Variants in HABP4 observed in about 807,000 individuals in gnomAD.
HABP4 encodes the protein intracellular hyaluronan-binding protein 4.
In HABP4, 32 loss-of-function variants were observed where a neutral mutation model predicts 44.1. The ratio of observed to expected loss-of-function variants is 0.73; its 90% CI spans 0.55 to 0.97. HABP4 has a LOEUF of 0.97. Ranked by LOEUF, HABP4 falls within the 50% of genes least tolerant of loss-of-function variation. The probability of loss-of-function intolerance (pLI) is 0.00; values close to 1 mark genes in which losing one functional copy is unlikely to be tolerated. For synonymous variants in HABP4, 216 were observed against 218.0 expected, an observed-to-expected ratio of 0.99 and a Z score of 0.08; for missense variants, 503 against 561.9, an observed-to-expected ratio of 0.90 and a Z score of 1.06.
chr9:96,481,989 G>A (rs1300752746), intron 5 of HABP4, among the ~76,000 whole-genome samples: 2 of 150,096 alleles, frequency 1.3e-5, no homozygotes, highest in Non-Finnish European at 3.0e-5. Flanking sequence ...AGGCTGGAGT[G>A]CAGTGGTGCG....
In HABP4 at chr9:96,484,451, T is replaced by A; in HGVS notation, c.828-11T>A. 7.9e-7 allele frequency: 1 copy of A among 1,273,212 alleles called. No homozygotes were observed. Among genetic ancestry groups the A allele is most frequent in the South Asian group, 1.3e-5 (1 of 78,606 alleles). The allele number at this position is 1,273,212 out of a possible 1,614,324, so 78.9% of individuals were successfully genotyped here. ...AAAAAGTATTCTTTATGATTATATATCTCTTTATAGAGTTCCTGAGTTGGA... is the reference window on the plus strand; with the variant it reads ...AAAAAGTATTCTTTATGATTATATAACTCTTTATAGAGTTCCTGAGTTGGA... On this transcript the variant is annotated splice_polypyrimidine_tract_variant and intron_variant, in intron 5 of 7. Coordinates refer to ENST00000375249, the MANE Select transcript of HABP4 (RefSeq NM_014282.4).
intron 1 of HABP4, 80 bp from the exon 2 acceptor site, chr9:96,458,299 T>G: frequency 2.2e-6 from 3 of 1,359,440 alleles, no homozygotes; most frequent in Non-Finnish European, 3.2e-6. Flanking sequence ...AAAATGAAAT[T>G]TACAAGTACC....
intron 2 of HABP4, among the ~76,000 whole-genome samples, chr9:96,459,039 C>T (rs1320032500): frequency 2.0e-5 from 3 of 152,172 alleles, no homozygotes. Flanking sequence ...TTCCTTTTTC[C>T]TCATAGATGC....
intron 1 of HABP4, among the ~76,000 whole-genome samples, chr9:96,452,419 A>C (rs1205794769): frequency 6.6e-6 from 1 of 152,110 alleles, no homozygotes; most frequent in Non-Finnish European, 1.5e-5. Context: ...TATATACATA[A>C]ATGCACAGAG....
intron 5 of HABP4, among the ~76,000 whole-genome samples, chr9:96,474,177 C>T (rs1244169298): frequency 6.6e-6 from 1 of 152,016 alleles, no homozygotes; most frequent in Non-Finnish European, 1.5e-5. Flanking sequence ...AAAACAATTG[C>T]AATGTATTAT....
chr9:96,455,745 G>A (rs1724950720), intron 1 of HABP4, among the ~76,000 whole-genome samples: 1 of 151,688 alleles, frequency 6.6e-6, no homozygotes, highest in African/African-American at 2.4e-5. Context: ...CAGCCTGGGT[G>A]ATAGAGTGAG....
At chr9:96,465,005 C>T (rs1050880849) in intron 2 of HABP4, among the ~76,000 whole-genome samples, 2 of 152,140 alleles carry the variant, frequency 1.3e-5, no homozygotes, top group Non-Finnish European at 2.9e-5. Flanking sequence ...AGGAATGCCC[C>T]ATTCAGATTA....
In HABP4 at chr9:96,471,183, C is replaced by G. The variant is rs1832692524; in HGVS notation, c.827+89C>G. On this transcript the variant is annotated intron_variant, in intron 5 of 7. Transcript: ENST00000375249. The stretch of plus-strand genomic sequence containing the variant: ...TTTTGAGATGGAACTTGCTTTGTCA[C>G]CCAGGCTGGAGTGCAATGGCACAAT... 5 of 765,128 alleles carry G rather than the reference C, an allele frequency of 6.5e-6. No homozygotes were observed. The East Asian group carries it at 1.3e-4, about 20-fold the overall frequency. The allele number at this position is 765,128 out of a possible 1,614,324, so 47.4% of individuals were successfully genotyped here.
chr9:96,467,539 T>C (rs905664797), intron 4 of HABP4, among the ~76,000 whole-genome samples: 1 of 148,424 alleles, frequency 6.7e-6, no homozygotes, highest in Non-Finnish European at 1.5e-5. Context: ...TTTTTTTTTT[T>C]TTTTGAGACG....
chr9:96,481,068 A>G (rs1248427404), intron 5 of HABP4, among the ~76,000 whole-genome samples: 1 of 151,812 alleles, frequency 6.6e-6, no homozygotes, highest in Non-Finnish European at 1.5e-5. Flanking sequence ...TTGATTCCCC[A>G]CTCCCCACCT....
At chr9:96,468,813 T>TTA (rs1360443027) in intron 4 of HABP4, among the ~76,000 whole-genome samples, 4 of 152,236 alleles carry the variant, frequency 2.6e-5, no homozygotes, top group Non-Finnish European at 5.9e-5. Context: ...ATACATTTCT[T>TTA]TATAAAGTGA....
At chr9:96,475,234 G>A (rs1451215925) in intron 5 of HABP4, among the ~76,000 whole-genome samples, 1 of 151,940 alleles carries the variant, frequency 6.6e-6, no homozygotes, top group Non-Finnish European at 1.5e-5. Flanking sequence ...AAATTAGCTG[G>A]GTATGGTAGC....
At chr9:96,472,894 C>G (rs1299047695) in intron 5 of HABP4, among the ~76,000 whole-genome samples, 1 of 152,192 alleles carries the variant, frequency 6.6e-6, no homozygotes, top group African/African-American at 2.4e-5. Context: ...CAGTCTGCGT[C>G]TTTCTTGACC....
intron 5 of HABP4, among the ~76,000 whole-genome samples, chr9:96,471,723 C>T (rs1230985442): frequency 6.6e-6 from 1 of 151,962 alleles, no homozygotes; most frequent in African/African-American, 2.4e-5. Flanking sequence ...TCCCAGTCCT[C>T]CCTCCCTCTC....
chr9:96,452,911 GTTTTTTTTTTT>G (rs71368266), intron 1 of HABP4, among the ~76,000 whole-genome samples: 4 of 63,146 alleles, frequency 6.3e-5, no homozygotes, highest in East Asian at 4.5e-4. Context: ...ATGGAAAAGG[GTTTTTTTTTTT>G]TTTTTTTTTT....
At chr9:96,453,097 T>C (rs1344600518) in intron 1 of HABP4, among the ~76,000 whole-genome samples, 1 of 143,822 alleles carries the variant, frequency 7.0e-6, no homozygotes, top group Non-Finnish European at 1.5e-5. Flanking sequence ...ATTTTTTTTT[T>C]TTTTTTTTTT....
At chr9:96,460,166 T>C (rs1316591049) in intron 2 of HABP4, among the ~76,000 whole-genome samples, 1 of 151,994 alleles carries the variant, frequency 6.6e-6, no homozygotes, top group Non-Finnish European at 1.5e-5. Context: ...CATGAAAAAA[T>C]AGCTATTAAG....
At chr9:96,483,697 G>A (rs942723267) in intron 5 of HABP4, 1 of 152,164 alleles carries the variant, frequency 6.6e-6, no homozygotes, top group African/African-American at 2.4e-5. Context: ...GATGTTCAAT[G>A]TATGTACTTT....
At chr9:96,484,158 CA>C (rs1241631338) in intron 5 of HABP4, 1 of 210,334 alleles carries the variant, frequency 4.8e-6, no homozygotes, top group African/African-American at 2.3e-5. Context: ...TTTTGTCTGT[CA>C]TGCTGTCTGG....
Sources: allele counts gnomAD v4.1 joint callset (sites outside exome capture counted in the v4.1 genomes callset), GRCh38; gene constraint gnomAD v4.1.1; transcripts MANE v1.5; gene names NCBI Gene and HGNC (gene_info 2026-07-23, HGNC 2026-07-21).